Variants in ATP8A2 observed in about 807,000 individuals in gnomAD.
ATP8A2 encodes phospholipid-transporting ATPase IB.
Under a neutral mutation model 165.6 loss-of-function variants are expected in ATP8A2, and 100 were observed. The ratio of observed to expected loss-of-function variants is 0.60; its 90% CI spans 0.51 to 0.71. The LOEUF is 0.71. ATP8A2 is among the 30% of genes least tolerant of loss of function. The pLI is 0.00. For missense variants in ATP8A2, 1,227 were observed against 1,479.5 expected (o/e 0.83, Z 2.80); for synonymous variants, 543 against 548.8 (o/e 0.99, Z 0.15).
At chr13:25,501,980 T>C (rs2137703785) in intron 2 of ATP8A2, among the ~76,000 whole-genome samples, 1 of 152,346 alleles carries the variant, frequency 6.6e-6, no homozygotes, top group African/African-American at 2.4e-5. Flanking sequence ...AAGCAAATGT[T>C]GAACCCTTTA....
At chr13:25,516,941 C>G (rs1305369227) in intron 2 of ATP8A2, among the ~76,000 whole-genome samples, 1 of 151,768 alleles carries the variant, frequency 6.6e-6, no homozygotes, top group Non-Finnish European at 1.5e-5. Flanking sequence ...CCACCAAGCT[C>G]GGCTAATTTT....
At chr13:25,677,288 T>C (rs2042392225) in intron 24 of ATP8A2, among the ~76,000 whole-genome samples, 1 of 152,250 alleles carries the variant, frequency 6.6e-6, no homozygotes, top group Non-Finnish European at 1.5e-5. Context: ...CTGTGGACAG[T>C]CCAGAACATT....
In ATP8A2 at chr13:25,953,235, G is replaced by A. The variant is rs1955419404; in HGVS notation, c.3184-8340G>A. ...TTCTTTTACTTACAATTTGAAGTTG[G>A]CACTGGTGTTGCTGGGCCAACCAGC... On this transcript the variant is annotated intron_variant, in intron 33 of 36. Transcript: ENST00000381655. The surrounding 1 kb of genome is among the most constrained non-coding windows in gnomAD (Gnocchi z 6.7). Among the ~76,000 whole-genome samples the A allele has an allele frequency of 6.6e-6, 1 of 152,004 alleles. No homozygotes were observed. Among genetic ancestry groups the A allele is most frequent in the Non-Finnish European group, 1.5e-5 (1 of 68,026 alleles).
intron 1 of ATP8A2, among the ~76,000 whole-genome samples, chr13:25,389,743 T>C (rs555516469): frequency 4.6e-5 from 7 of 152,340 alleles, no homozygotes; most frequent in Non-Finnish European, 8.8e-5. Flanking sequence ...GGATGAAGGA[T>C]GCATAATACT....
intron 1 of ATP8A2, among the ~76,000 whole-genome samples, chr13:25,409,728 T>G (rs1354092002): frequency 6.6e-6 from 1 of 152,128 alleles, no homozygotes; most frequent in Admixed American, 6.5e-5. Flanking sequence ...CCAGTAGAGG[T>G]AATAGAATTT....
chr13:25,897,768 G>A (rs1229571292), intron 33 of ATP8A2, among the ~76,000 whole-genome samples: 1 of 151,898 alleles, frequency 6.6e-6, no homozygotes, highest in Non-Finnish European at 1.5e-5. Context: ...TTCTCTTCAC[G>A]CTTCATTTCA....
intron 33 of ATP8A2, among the ~76,000 whole-genome samples, chr13:25,934,631 A>G (rs1167005128): frequency 6.6e-6 from 1 of 152,202 alleles, no homozygotes; most frequent in African/African-American, 2.4e-5. Context: ...GTGCCTGACA[A>G]ATGGTCATCA....
chr13:25,975,476 G>T (rs551126935), intron 35 of ATP8A2, among the ~76,000 whole-genome samples: 13 of 152,120 alleles, frequency 8.5e-5, no homozygotes, highest in African/African-American at 3.1e-4. Context: ...CAGCTACTCA[G>T]GAGGCTGAGG....
At chr13:25,775,124 C>T (rs973040999) in intron 27 of ATP8A2, among the ~76,000 whole-genome samples, 165 bp downstream of exon 27, 1 of 152,132 alleles carries the variant, frequency 6.6e-6, no homozygotes, top group Non-Finnish European at 1.5e-5. Flanking sequence ...AAGCTGGGCT[C>T]GCCATTCTGG....
At chr13:25,683,172 G>C (rs1274878817) in intron 24 of ATP8A2, among the ~76,000 whole-genome samples, 1 of 141,992 alleles carries the variant, frequency 7.0e-6, no homozygotes, top group Non-Finnish European at 1.5e-5. Context: ...GGATGAAATA[G>C]ACCAGGAAAC....
intron 27 of ATP8A2, among the ~76,000 whole-genome samples, chr13:25,808,167 T>A (rs1368538911): frequency 6.6e-6 from 1 of 151,572 alleles, no homozygotes; most frequent in Non-Finnish European, 1.5e-5. Flanking sequence ...TCTTGCTGTG[T>A]CACCCAGGCT....
intron 1 of ATP8A2, among the ~76,000 whole-genome samples, chr13:25,429,371 TAAAAAAAAAAAAAAAAA>T (rs751056483): frequency 7.9e-6 from 1 of 126,006 alleles, no homozygotes; most frequent in African/African-American, 3.6e-5. Context: ...GACTCCATCT[TAAAAAAAAAAAAAAAAA>T]AAAAAAAAAA....
At chr13:25,963,514 A>G (rs1486071549) in intron 34 of ATP8A2, among the ~76,000 whole-genome samples, 4 of 152,238 alleles carry the variant, frequency 2.6e-5, no homozygotes, top group African/African-American at 9.6e-5. Flanking sequence ...CCCTTGCTGA[A>G]TTTGTTCAAA....
At position 25,570,881 on chromosome 13, in the gene ATP8A2, T is replaced by C; in HGVS notation, c.1579+9T>C. The C allele has an allele frequency of 6.2e-7, 1 of 1,600,992 alleles. No homozygotes were observed. Among genetic ancestry groups the C allele is most frequent in the Non-Finnish European group, 8.6e-7 (1 of 1,169,074 alleles). On this transcript the variant is annotated intron_variant, in intron 17 of 36. Transcript: ENST00000381655. ...CCAGGCCTCTTCCCCAGGTGAGGGC[T>C]CTGGCCGGATGCGCCCTGCTGGCCC...
chr13:25,968,507 C>T (rs1955835030), intron 34 of ATP8A2, 68 bp from the exon 35 acceptor site: 8 of 1,375,306 alleles, frequency 5.8e-6, no homozygotes, highest in South Asian at 3.7e-5. Flanking sequence ...GAGAGGGGAG[C>T]GGCCTGTCTT....
chr13:26,011,861 G>C (rs1956855230), intron 35 of ATP8A2, among the ~76,000 whole-genome samples: 1 of 152,164 alleles, frequency 6.6e-6, no homozygotes, highest in Non-Finnish European at 1.5e-5. Flanking sequence ...CTTGAGCCCA[G>C]GAGTTCGAGG....
rs1952383024 is a variant in ATP8A2 at position 25,862,357 on chromosome 13, C to A, written c.3132C>A (p.Ile1044=). 6.2e-7 allele frequency: 1 copy of A among 1,613,980 alleles called. No individual in the cohort carries two copies. Among genetic ancestry groups the A allele is most frequent in the Admixed American group, 1.7e-5 (1 of 60,006 alleles). ...SMLTWLVFFG[I]YSTIWPTIPI... ...TGACCTGGCTGGTGTTTTTTGGCAT[C>A]TACTCGACCATCTGGCCCACCATTC... Residue 1044 remains isoleucine (I), a synonymous_variant, in exon 33 of 37, where the codon ATC becomes ATA. Coordinates refer to ENST00000381655, the MANE Select transcript of ATP8A2 (RefSeq NM_016529.6).
chr13:25,552,621 G>C (rs373285080), intron 11 of ATP8A2, among the ~76,000 whole-genome samples: 5 of 151,976 alleles, frequency 3.3e-5, no homozygotes, highest in African/African-American at 1.2e-4. Flanking sequence ...AGTATTTCTT[G>C]TATTTGTAAT....
intron 27 of ATP8A2, among the ~76,000 whole-genome samples, chr13:25,780,800 G>A (rs1457449335): frequency 1.3e-5 from 2 of 151,946 alleles, no homozygotes; most frequent in African/African-American, 4.8e-5. Flanking sequence ...ATCTAATGCT[G>A]CCACTGATCT....
Sources: gnomAD v4.1 joint callset for allele counts (sites outside exome capture counted in the v4.1 genomes callset) on GRCh38, gnomAD v4.1.1 for gene constraint, Gnocchi (gnomAD v3.1) non-coding constraint, MANE v1.5 for transcripts, NCBI Gene and HGNC (gene_info 2026-07-23, HGNC 2026-07-21) for gene names.